Variants in LMF1 observed in about 807,000 individuals in gnomAD.
LMF1 encodes the protein transmembrane protein 112.
A neutral mutation model predicts 60.6 loss-of-function variants in LMF1; 68 were observed. The observed-to-expected ratio is 1.12, with a 90% CI of 0.92 to 1.37. The LOEUF is 1.37. LMF1 is among the 40% of genes most tolerant of loss of function. The probability of loss-of-function intolerance (pLI) is 0.00; values close to 1 mark genes in which losing one functional copy is unlikely to be tolerated. For missense variants in LMF1, 948 were observed against 767.2 expected (o/e 1.24, Z -2.78); for synonymous variants, 418 against 324.7 (o/e 1.29, Z -3.09).
intron 10 of LMF1, 172 bp from the exon 11 acceptor site, chr16:854,878 G>A: frequency 1.5e-6 from 1 of 668,644 alleles, no homozygotes; most frequent in African/African-American, 1.8e-5. Context: ...CCCGGGCAGG[G>A]CAACTGTTCC....
chr16:888,291 G>A (rs996763719), intron 5 of LMF1, among the ~76,000 whole-genome samples: 1 of 152,228 alleles, frequency 6.6e-6, no homozygotes, highest in Non-Finnish European at 1.5e-5. Flanking sequence ...GGTGTGGAAG[G>A]AGCGCCGTGG....
intron 3 of LMF1, among the ~76,000 whole-genome samples, chr16:923,808 G>A (rs2071513178): frequency 6.6e-6 from 1 of 152,190 alleles, no homozygotes; most frequent in South Asian, 2.1e-4. Context: ...GCTCCAAGCA[G>A]TAACAATGAG....
intron 2 of LMF1, among the ~76,000 whole-genome samples, chr16:941,543 T>C (rs1249950430): frequency 6.6e-6 from 1 of 152,224 alleles, no homozygotes; most frequent in African/African-American, 2.4e-5. Context: ...TCTCTGTCTT[T>C]TAATTGGAAG....
chr16:976,761 G>A (rs746026681), intron 1 of LMF1: 19 of 454,028 alleles, frequency 4.2e-5, no homozygotes, highest in Middle Eastern at 6.8e-4. Flanking sequence ...CGACACATCC[G>A]TGATCTGGGC....
In LMF1 at chr16:868,958, G is replaced by C. The variant is rs2069691771; in HGVS notation, c.1515C>G (p.Gly505=). The change falls in exon 10 of 11, where the codon GGC becomes GGG. Residue 505 remains glycine, a synonymous_variant. Coordinates refer to ENST00000262301, the MANE Select transcript of LMF1 (RefSeq NM_022773.4). The part of the protein sequence containing the change: ...LSLLAHNPFA[G]RPPPRWVRGE... ...GGGCATCCTACCTGGGCGGGGGCCT[G>C]CCCGCGAAGGGGTTGTGTGCCAGCA... 1 of 1,610,236 alleles carries C rather than the reference G, an allele frequency of 6.2e-7. No homozygotes were observed. Among genetic ancestry groups the C allele is most frequent in the African/African-American group, 1.3e-5 (1 of 74,888 alleles).
At chr16:871,066 C>G in intron 7 of LMF1, 95 bp downstream of exon 7, 1 of 1,426,728 alleles carries the variant, frequency 7.0e-7, no homozygotes, top group Non-Finnish European at 9.3e-7. Flanking sequence ...TCTCCTCCTA[C>G]CCTGGCGTCC....
chr16:877,052 C>A (rs2151710286), intron 6 of LMF1, among the ~76,000 whole-genome samples: 2 of 152,276 alleles, frequency 1.3e-5, no homozygotes, highest in Middle Eastern at 6.8e-3. Context: ...AGGACACAGG[C>A]CTTGAGGCCG....
intron 2 of LMF1, among the ~76,000 whole-genome samples, chr16:944,282 C>A (rs1333050311): frequency 1.3e-5 from 2 of 150,930 alleles, no homozygotes; most frequent in Non-Finnish European, 2.9e-5. Flanking sequence ...CTACCCGCCA[C>A]TTTCCACCAA....
chr16:895,447 C>G (rs2070636091), intron 4 of LMF1, among the ~76,000 whole-genome samples: 1 of 152,200 alleles, frequency 6.6e-6, no homozygotes, highest in Non-Finnish European at 1.5e-5. Context: ...ACGGGAGGGC[C>G]TTCGGGGCGG....
chr16:966,460 C>T (rs1430000588), intron 1 of LMF1, among the ~76,000 whole-genome samples: 3 of 152,220 alleles, frequency 2.0e-5, no homozygotes, highest in Admixed American at 2.0e-4. Flanking sequence ...GCCATGGCAC[C>T]CACGAAAAGT....
chr16:967,148 C>T (rs565165576), intron 1 of LMF1, among the ~76,000 whole-genome samples: 1 of 152,324 alleles, frequency 6.6e-6, no homozygotes, highest in South Asian at 2.1e-4. Flanking sequence ...AGTCCAGCCC[C>T]AGCTGCCTGT....
chr16:970,028 G>A (rs777191499), intron 1 of LMF1, among the ~76,000 whole-genome samples: 36 of 152,184 alleles, frequency 2.4e-4, no homozygotes, highest in Non-Finnish European at 4.1e-4. Flanking sequence ...TGGGGTGAAG[G>A]GTCTCCGCCA....
chr16:951,054 A>ACAACAG (rs2072448148), intron 2 of LMF1, among the ~76,000 whole-genome samples: 1 of 96,300 alleles, frequency 1.0e-5, no homozygotes, highest in Non-Finnish European at 2.0e-5. Flanking sequence ...GAGTCAGCCA[A>ACAACAG]TGACAGAGTC....
chr16:928,351 A>G (rs1008840613), intron 3 of LMF1, among the ~76,000 whole-genome samples: 2 of 152,180 alleles, frequency 1.3e-5, no homozygotes, highest in African/African-American at 4.8e-5. Flanking sequence ...GGATAAACCA[A>G]TCATTCATCA....
chr16:885,470 C>T (rs555180175), intron 5 of LMF1, among the ~76,000 whole-genome samples: 2 of 152,026 alleles, frequency 1.3e-5, no homozygotes, highest in East Asian at 3.9e-4. Context: ...AAACATAAGA[C>T]CCAAGCATAC....
chr16:862,343 C>T (rs2151689763), intron 10 of LMF1, among the ~76,000 whole-genome samples: 1 of 152,044 alleles, frequency 6.6e-6, no homozygotes, highest in Non-Finnish European at 1.5e-5. Flanking sequence ...GGGGTTTCAC[C>T]ATGTTGGCCA....
upstream of LMF1, among the ~76,000 whole-genome samples, chr16:971,953 T>C (rs933847352): frequency 1.3e-5 from 2 of 152,248 alleles, no homozygotes; most frequent in Admixed American, 1.3e-4. Flanking sequence ...TTTGTTTTCA[T>C]GTATTCTTCT....
chr16:950,532 G>GAGCCAATGACAGAGTC (rs1390738020), intron 2 of LMF1, among the ~76,000 whole-genome samples: 1 of 110,988 alleles, frequency 9.0e-6, no homozygotes, highest in Non-Finnish European at 1.7e-5. Context: ...GACAGAGTCA[G>GAGCCAATGACAGAGTC]AGCCAATGAC....
intron 4 of LMF1, among the ~76,000 whole-genome samples, chr16:895,058 G>T (rs1056088518): frequency 1.3e-5 from 2 of 152,278 alleles, no homozygotes; most frequent in East Asian, 3.9e-4. Context: ...GAGGCCGCGG[G>T]GGGAGGCCCA....
Sources: gnomAD v4.1 joint callset for allele counts (sites outside exome capture counted in the v4.1 genomes callset) on GRCh38, gnomAD v4.1.1 for gene constraint, MANE v1.5 for transcripts, NCBI Gene and HGNC (gene_info 2026-07-23, HGNC 2026-07-21) for gene names.